Variants in STK39 observed in about 807,000 individuals in gnomAD.
The protein encoded by STK39 is serine/threonine kinase 39.
In STK39, 20 loss-of-function variants were observed where a neutral mutation model predicts 77.8. That is an observed-to-expected ratio of 0.26 (90% CI 0.18 to 0.37). The LOEUF (loss-of-function observed/expected upper bound fraction) is 0.37, where lower values mean the gene tolerates loss of function less well. Among genes scored for constraint, STK39 ranks in the 10% least tolerant of loss-of-function variants. The probability of loss-of-function intolerance (pLI) is 1.00; values close to 1 mark genes in which losing one functional copy is unlikely to be tolerated. For synonymous variants in STK39, 246 were observed against 234.1 expected (o/e 1.05, Z -0.47); for missense variants, 479 against 656.5 (o/e 0.73, Z 2.95).
At chr2:168,008,166 T>C (rs941472359) in intron 16 of STK39, among the ~76,000 whole-genome samples, 1 of 152,146 alleles carries the variant, frequency 6.6e-6, no homozygotes, top group Admixed American at 6.5e-5. Context: ...CTGATTTACT[T>C]TACCTGGATC....
chr2:168,055,613 A>G (rs1685503635), intron 14 of STK39, among the ~76,000 whole-genome samples: 1 of 152,240 alleles, frequency 6.6e-6, no homozygotes, highest in Non-Finnish European at 1.5e-5. Context: ...ATATCTATGT[A>G]TGGCAATTGG....
At chr2:168,229,227 T>TA (rs1311597819) in intron 1 of STK39, among the ~76,000 whole-genome samples, 1 of 151,744 alleles carries the variant, frequency 6.6e-6, no homozygotes, top group Non-Finnish European at 1.5e-5. Context: ...CTACTAAAAA[T>TA]ACAAAAATTA....
At chr2:167,966,877 G>A (rs192757029) in intron 16 of STK39, among the ~76,000 whole-genome samples, 1 of 152,302 alleles carries the variant, frequency 6.6e-6, no homozygotes, top group East Asian at 1.9e-4. Flanking sequence ...GTTGTAAAGT[G>A]CTATAAAACA....
At chr2:168,041,757 C>G (rs1469672536) in intron 14 of STK39, among the ~76,000 whole-genome samples, 1 of 152,166 alleles carries the variant, frequency 6.6e-6, no homozygotes, top group Non-Finnish European at 1.5e-5. Flanking sequence ...CAGAGTTGAT[C>G]AGTGGAAAGA....
chr2:167,979,206 C>T (rs949360657), intron 16 of STK39, among the ~76,000 whole-genome samples: 7 of 152,156 alleles, frequency 4.6e-5, no homozygotes, highest in Admixed American at 1.3e-4. Context: ...AGTGGAATGG[C>T]TGGATCACAT....
intron 16 of STK39, among the ~76,000 whole-genome samples, chr2:168,007,016 C>T (rs1234717309): frequency 2.0e-5 from 3 of 152,228 alleles, no homozygotes; most frequent in South Asian, 4.1e-4. Context: ...ACATTCACTG[C>T]TCCATAACAT....
At chr2:168,075,272 T>A (rs1194812042) in intron 10 of STK39, 41 bp from the exon 11 acceptor site, 1 of 1,610,276 alleles carries the variant, frequency 6.2e-7, no homozygotes, top group East Asian at 2.2e-5. Context: ...ACTAGTCAAA[T>A]GTGAACCATT....
intron 8 of STK39, among the ~76,000 whole-genome samples, chr2:168,133,168 C>T (rs1026844421): frequency 2.0e-5 from 3 of 152,248 alleles, no homozygotes; most frequent in Middle Eastern, 3.4e-3. Context: ...AGAGAGAAAG[C>T]TGGGAAGTAC....
At chr2:168,091,150 G>GCACACACACACACACACA (rs71927823) in intron 10 of STK39, among the ~76,000 whole-genome samples, 2 of 147,542 alleles carry the variant, frequency 1.4e-5, no homozygotes, top group African/African-American at 5.0e-5. Context: ...ACAAACAGGT[G>GCACACACACACACACACA]CACACACACA....
intron 16 of STK39, among the ~76,000 whole-genome samples, chr2:167,973,371 C>T (rs1158097459): frequency 6.6e-6 from 1 of 152,108 alleles, no homozygotes; most frequent in Non-Finnish European, 1.5e-5. Flanking sequence ...TAGATAAGGC[C>T]TGAGGACATT....
chr2:168,026,551 G>C (rs549098304), intron 14 of STK39, among the ~76,000 whole-genome samples: 1 of 152,142 alleles, frequency 6.6e-6, no homozygotes, highest in Non-Finnish European at 1.5e-5. Context: ...AGCCATTAAC[G>C]GAAGAAATGA....
intron 16 of STK39, among the ~76,000 whole-genome samples, chr2:167,965,465 T>C (rs1412001813): frequency 6.6e-6 from 1 of 152,228 alleles, no homozygotes. Flanking sequence ...TGTAATGATC[T>C]ATCTGATACT....
At chr2:167,989,540 A>G (rs1352990602) in intron 16 of STK39, among the ~76,000 whole-genome samples, 1 of 152,166 alleles carries the variant, frequency 6.6e-6, no homozygotes. Context: ...TTGGCACCTG[A>G]GGGGTCCCAG....
intron 16 of STK39, among the ~76,000 whole-genome samples, chr2:167,999,297 C>G (rs551836622): frequency 6.6e-6 from 1 of 152,104 alleles, no homozygotes; most frequent in Non-Finnish European, 1.5e-5. Flanking sequence ...ATCATTTTTC[C>G]TTCAGAATGC....
chr2:168,097,756 A>C (rs943974479), intron 10 of STK39, among the ~76,000 whole-genome samples: 3 of 152,216 alleles, frequency 2.0e-5, no homozygotes, highest in South Asian at 2.1e-4. Context: ...AAAAAAAAGA[A>C]GACGAAGAAG....
chr2:167,977,900 A>G (rs1356239377), intron 16 of STK39, among the ~76,000 whole-genome samples: 3 of 152,198 alleles, frequency 2.0e-5, no homozygotes, highest in East Asian at 1.9e-4. Flanking sequence ...TCAGTCTCCT[A>G]CAGCATTTGG....
intron 5 of STK39, among the ~76,000 whole-genome samples, chr2:168,159,935 C>T (rs989761500): frequency 1.3e-5 from 2 of 152,170 alleles, no homozygotes; most frequent in Non-Finnish European, 1.5e-5. Context: ...CTCAGCAGCC[C>T]GCACAGTGCA....
At chr2:168,240,844 G>C (rs1048945688) in intron 1 of STK39, among the ~76,000 whole-genome samples, 10 of 152,362 alleles carry the variant, frequency 6.6e-5, no homozygotes, top group African/African-American at 1.7e-4. Flanking sequence ...AGGAAGTCCA[G>C]AAGGAAGGCA....
intron 10 of STK39, among the ~76,000 whole-genome samples, chr2:168,081,565 A>C (rs986484180): frequency 8.5e-5 from 13 of 152,058 alleles, no homozygotes; most frequent in African/African-American, 3.1e-4. Context: ...TGGACTGTGG[A>C]CTTTTGAGTT....
Sources: gnomAD v4.1 joint callset for allele counts (sites outside exome capture counted in the v4.1 genomes callset) on GRCh38, gnomAD v4.1.1 for gene constraint, MANE v1.5 for transcripts, NCBI Gene and HGNC (gene_info 2026-07-23, HGNC 2026-07-21) for gene names.